The following PAK4 variants were observed in gnomAD, a reference collection of about 807,000 sequenced individuals.
The protein encoded by PAK4 is p21 (RAC1) activated kinase 4, also known as serine/threonine-protein kinase PAK 4.
In PAK4, 49 loss-of-function variants were observed where a neutral mutation model predicts 53.5. That is an observed-to-expected ratio of 0.92 (90% CI 0.73 to 1.16). PAK4 has a LOEUF of 1.16. PAK4 is among the 50% of genes most tolerant of loss of function. The pLI, the probability that PAK4 is intolerant of heterozygous loss-of-function variation, is 0.00. For synonymous variants in PAK4, 376 were observed against 375.6 expected (o/e 1.00, Z -0.01); for missense variants, 824 against 850.7 (o/e 0.97, Z 0.39).
At chr19:39,176,259 G>T (rs1274331149) in intron 6 of PAK4, among the ~76,000 whole-genome samples, 2 of 152,224 alleles carry the variant, frequency 1.3e-5, no homozygotes, top group Non-Finnish European at 2.9e-5. Context: ...AGGGCCCCAG[G>T]GCACAGGCTT....
At chr19:39,156,448 G>T (rs2145210269) in intron 1 of PAK4, among the ~76,000 whole-genome samples, 1 of 152,270 alleles carries the variant, frequency 6.6e-6, no homozygotes, top group East Asian at 1.9e-4. Context: ...CCAGCCCCTG[G>T]CACCTAGCCT....
chr19:39,158,038 A>G (rs2074215690), intron 1 of PAK4, among the ~76,000 whole-genome samples: 1 of 151,682 alleles, frequency 6.6e-6, no homozygotes, highest in Non-Finnish European at 1.5e-5. Flanking sequence ...GTGTGCATGT[A>G]TGTGAGCATG....
intron 1 of PAK4, among the ~76,000 whole-genome samples, chr19:39,126,820 A>G (rs960044908): frequency 7.2e-5 from 11 of 152,168 alleles, no homozygotes; most frequent in African/African-American, 1.9e-4. Context: ...TCCTGCTGCA[A>G]TCTTGTGAAG....
At position 39,157,208 on chromosome 19, in the gene PAK4, G is replaced by A. The variant is rs1009276661; in HGVS notation, c.-22-12324G>A. On this transcript the variant is annotated intron_variant, in intron 1 of 8. Transcript: ENST00000358301. ...GGAGGTCTCCTTGCCTACTGTGTGT[G>A]GTTTTGGGGTCGGGGGGGTGCCTCC... Among the ~76,000 whole-genome samples the A allele has an allele frequency of 2.1e-5, 3 of 142,306 alleles. No homozygotes were observed. The East Asian group carries it at 5.8e-4, about 28-fold the overall frequency. 93.4% of individuals were successfully genotyped at this position (142,306 alleles called of 152,430 possible).
intron 1 of PAK4, among the ~76,000 whole-genome samples, chr19:39,127,271 C>T (rs1032943038): frequency 2.0e-5 from 3 of 152,008 alleles, no homozygotes; most frequent in South Asian, 2.1e-4. Flanking sequence ...TGGCTCTGCC[C>T]ATTTCTCCCC....
intron 1 of PAK4, among the ~76,000 whole-genome samples, chr19:39,147,500 T>C (rs906377304): frequency 2.0e-5 from 3 of 152,224 alleles, no homozygotes; most frequent in African/African-American, 4.8e-5. Flanking sequence ...TTTTTGTTTC[T>C]CTGGGGCCAA....
intron 1 of PAK4, among the ~76,000 whole-genome samples, chr19:39,128,651 G>A (rs562273852): frequency 5.1e-4 from 77 of 152,288 alleles, no homozygotes; most frequent in African/African-American, 1.6e-3. Flanking sequence ...TCATGCATCC[G>A]GCCATCGTCT....
chr19:39,126,723 C>T (rs1215883162), intron 1 of PAK4, among the ~76,000 whole-genome samples: 1 of 152,132 alleles, frequency 6.6e-6, no homozygotes, highest in Non-Finnish European at 1.5e-5. Context: ...CTCTGGCCGA[C>T]CGCCTCTCAA....
chr19:39,128,064 C>T (rs781467711), intron 1 of PAK4, among the ~76,000 whole-genome samples: 31 of 152,100 alleles, frequency 2.0e-4, no homozygotes, highest in East Asian at 1.9e-4. Flanking sequence ...CTTGATGGAG[C>T]GTGATTCAGA....
chr19:39,173,762 C>T lies in PAK4; in HGVS notation c.850C>T (p.Pro284Ser), dbSNP rs1038274034. The change falls in exon 4 of 9, where the codon CCT (proline) becomes TCT (serine). Residue 284 changes from proline (P) to serine (S), a missense_variant. Pro to Ser is a moderately conservative substitution (Grantham distance 74). Coordinates refer to ENST00000358301, the Ensembl canonical transcript of PAK4. This position sits in a 1 kb window ranked among gnomAD's most constrained non-coding sequence, Gnocchi z 6.9. ...CTGCACCCCCGCCGCCCCTGCTGTT[C>T]CTGGGCCCCCTGGCCCCCGCTCACC... 3.8e-6 allele frequency: 6 copies of T among 1,590,088 alleles called. No homozygotes were observed. In the Admixed American group the frequency reaches 5.2e-5, roughly 14 times the overall value.
At chr19:39,140,708 C>G (rs58909586) in intron 1 of PAK4, among the ~76,000 whole-genome samples, 2 of 152,200 alleles carry the variant, frequency 1.3e-5, no homozygotes, top group African/African-American at 4.8e-5. Flanking sequence ...TCCTCTCCCC[C>G]TACCCCTCTC....
At chr19:39,152,132 C>T (rs2074103078) in intron 1 of PAK4, 1 of 151,610 alleles carries the variant, frequency 6.6e-6, no homozygotes, top group Non-Finnish European at 1.5e-5. Context: ...ACGAGGTCTC[C>T]CTATATTGCT....
intron 1 of PAK4, among the ~76,000 whole-genome samples, chr19:39,141,028 A>C (rs2073900272): frequency 6.6e-6 from 1 of 152,212 alleles, no homozygotes. Flanking sequence ...TGAGTGATCC[A>C]TAATTCTTTG....
At chr19:39,156,443 C>T (rs914196505) in intron 1 of PAK4, among the ~76,000 whole-genome samples, 5 of 152,180 alleles carry the variant, frequency 3.3e-5, no homozygotes, top group Non-Finnish European at 7.3e-5. Context: ...CCCCTCCAGC[C>T]CCTGGCACCT....
intron 1 of PAK4, among the ~76,000 whole-genome samples, chr19:39,131,511 G>A (rs917669187): frequency 2.0e-4 from 30 of 152,186 alleles, no homozygotes; most frequent in African/African-American, 6.8e-4. Flanking sequence ...GTCATGGCCA[G>A]GGAAGTGGGA....
chr19:39,173,651 T>C lies in PAK4; in HGVS notation c.739T>C (p.Ser247Pro). ...CATCCCCCAGTCCTCCTCCTCCTCC[T>C]CCCGGCCTCCCACCCGAGCCCGAGG... The change falls in exon 4 of 9, where the codon TCC becomes CCC. Residue 247 changes from serine (S) to proline (P), a missense_variant. This residue lies in a region of PAK4 where 478 missense variants were observed against 435.8 expected (regional missense o/e 1.10). Transcript: ENST00000358301. The surrounding 1 kb of genome is among the most constrained non-coding windows in gnomAD (Gnocchi z 6.9). 6.3e-7 allele frequency: 1 copy of C among 1,577,284 alleles called. No homozygotes were observed. The highest frequency in any genetic ancestry group is 8.6e-7 in the Non-Finnish European group (1 of 1,160,420).
downstream of PAK4, chr19:39,180,005 A>AG (rs2074684189): frequency 1.3e-5 from 2 of 152,290 alleles, no homozygotes; most frequent in South Asian, 4.1e-4. Context: ...CCCAGCCCCC[A>AG]GGGAGGCAGT....
intron 1 of PAK4, among the ~76,000 whole-genome samples, chr19:39,133,890 C>CCCCTT (rs1347166520): frequency 2.0e-5 from 3 of 152,208 alleles, no homozygotes; most frequent in Non-Finnish European, 2.9e-5. Flanking sequence ...CAGCCCCCCT[C>CCCCTT]CCCTTCCCTT....
chr19:39,169,724 C>T, exon 2 of PAK4: 1 of 1,609,668 alleles, frequency 6.2e-7, no homozygotes, highest in Middle Eastern at 1.8e-4. Context: ...TCGACCCCGC[C>T]TGCATCACCT....
Sources: allele counts gnomAD v4.1 joint callset (sites outside exome capture counted in the v4.1 genomes callset), GRCh38; gene constraint gnomAD v4.1.1; regional missense constraint gnomAD v4.1.1; non-coding constraint Gnocchi (gnomAD v3.1); transcripts MANE v1.5; gene names NCBI Gene and HGNC (gene_info 2026-07-23, HGNC 2026-07-21).